Variants in AOPEP observed in about 807,000 individuals in gnomAD.
AOPEP encodes the protein aminopeptidase O.
In AOPEP, 77 loss-of-function variants were observed where a neutral mutation model predicts 98.1. The observed-to-expected ratio is 0.78, with a 90% CI of 0.65 to 0.95. The LOEUF is 0.95. Among genes scored for constraint, AOPEP ranks in the 40% least tolerant of loss-of-function variants. AOPEP has a pLI of 0.00. For synonymous variants in AOPEP, 346 were observed against 365.3 expected (o/e 0.95, Z 0.60); for missense variants, 1,024 against 1,024.7 (o/e 1.00, Z 0.01).
intron 1 of AOPEP, among the ~76,000 whole-genome samples, chr9:94,747,650 T>G (rs1481084635): frequency 6.6e-6 from 1 of 152,242 alleles, no homozygotes; most frequent in African/African-American, 2.4e-5. Context: ...ATGGTGGTCA[T>G]TAGATTGGCC....
chr9:94,964,447 G>T (rs2059056543), intron 9 of AOPEP, among the ~76,000 whole-genome samples: 1 of 152,186 alleles, frequency 6.6e-6, no homozygotes, highest in South Asian at 2.1e-4. Context: ...CAAAAGGGCA[G>T]AATTAAGGTT....
At chr9:94,822,035 C>G (rs1433998669) in intron 5 of AOPEP, among the ~76,000 whole-genome samples, 1 of 151,772 alleles carries the variant, frequency 6.6e-6, no homozygotes, top group African/African-American at 2.4e-5. Flanking sequence ...CCTACTGACC[C>G]CGCTCGTGGC....
At chr9:94,765,435 A>G (rs1401422425) in intron 2 of AOPEP, among the ~76,000 whole-genome samples, 1 of 136,732 alleles carries the variant, frequency 7.3e-6, no homozygotes, top group Non-Finnish European at 1.5e-5. Context: ...CCCCTTCTCT[A>G]CAAAAATAAT....
chr9:94,741,003 T>G (rs903852710), intron 1 of AOPEP, among the ~76,000 whole-genome samples: 1 of 152,052 alleles, frequency 6.6e-6, no homozygotes, highest in Non-Finnish European at 1.5e-5. Context: ...TGGATACAAT[T>G]GATTGTTACC....
intron 1 of AOPEP, among the ~76,000 whole-genome samples, chr9:94,747,684 T>C (rs548523524): frequency 6.6e-6 from 1 of 152,198 alleles, no homozygotes; most frequent in Non-Finnish European, 1.5e-5. Flanking sequence ...TAAAATGACA[T>C]CAGCTTTCAA....
At chr9:95,009,001 T>G (rs1426280361) in intron 13 of AOPEP, among the ~76,000 whole-genome samples, 1 of 152,332 alleles carries the variant, frequency 6.6e-6, no homozygotes, top group Non-Finnish European at 1.5e-5. Context: ...TTATTTCAAG[T>G]TCCTTTCATT....
At chr9:94,795,691 C>T (rs1177953541) in intron 4 of AOPEP, among the ~76,000 whole-genome samples, 2 of 152,162 alleles carry the variant, frequency 1.3e-5, no homozygotes, top group African/African-American at 2.4e-5. Context: ...CTCTCTCCTT[C>T]CTGCTCAGAA....
chr9:95,026,821 A>G (rs2063877498), intron 13 of AOPEP, among the ~76,000 whole-genome samples: 1 of 152,202 alleles, frequency 6.6e-6, no homozygotes, highest in African/African-American at 2.4e-5. Context: ...AGTGATGAAC[A>G]AGGGTCCCAG....
chr9:94,939,929 G>A (rs1034661934), intron 7 of AOPEP, among the ~76,000 whole-genome samples: 6 of 152,132 alleles, frequency 3.9e-5, no homozygotes, highest in Admixed American at 1.3e-4. Flanking sequence ...ATCCAAGCAT[G>A]GAGAACCTGA....
At chr9:95,122,215 T>C in the AOPEP span, among the ~76,000 whole-genome samples, 1 of 152,130 alleles carries the variant, frequency 6.6e-6, no homozygotes, top group South Asian at 2.1e-4. Context: ...AGCACGTGGA[T>C]AGACATATAT....
intron 14 of AOPEP, among the ~76,000 whole-genome samples, chr9:95,062,103 C>T (rs537751714): frequency 2.6e-5 from 4 of 152,244 alleles, no homozygotes; most frequent in Admixed American, 2.0e-4. Context: ...GGCCCCCTTC[C>T]GTTTAGCATA....
the AOPEP span, chr9:95,111,276 G>T: frequency 3.9e-6 from 6 of 1,557,610 alleles, no homozygotes; most frequent in Non-Finnish European, 5.2e-6. Flanking sequence ...ACCTCGGTGG[G>T]GACAGGAGAA....
the AOPEP span, among the ~76,000 whole-genome samples, chr9:95,112,185 A>G: frequency 6.6e-6 from 1 of 152,230 alleles, no homozygotes; most frequent in Non-Finnish European, 1.5e-5. Flanking sequence ...TGGGAGTTGC[A>G]ATACTTGTTT....
At chr9:95,119,469 G>A in the AOPEP span, among the ~76,000 whole-genome samples, 5 of 151,128 alleles carry the variant, frequency 3.3e-5, no homozygotes, top group East Asian at 5.9e-4. Context: ...AGGTTCAAGC[G>A]ATTCTCCTGC....
At chr9:94,783,717 T>C (rs190198183) in intron 3 of AOPEP, among the ~76,000 whole-genome samples, 7 of 152,240 alleles carry the variant, frequency 4.6e-5, no homozygotes, top group Admixed American at 3.9e-4. Context: ...ATATATGATA[T>C]ATACATTCTC....
chr9:94,987,414 C>T (rs1406430788), intron 11 of AOPEP, among the ~76,000 whole-genome samples: 1 of 152,224 alleles, frequency 6.6e-6, no homozygotes, highest in African/African-American at 2.4e-5. Flanking sequence ...TGCTGGGAAA[C>T]TCAGTGTGCC....
At chr9:94,967,202 C>T (rs2059255342) in intron 9 of AOPEP, among the ~76,000 whole-genome samples, 1 of 152,176 alleles carries the variant, frequency 6.6e-6, no homozygotes, top group Admixed American at 6.5e-5. Context: ...TCTCAAATGT[C>T]CAGTGACCGA....
intron 13 of AOPEP, among the ~76,000 whole-genome samples, chr9:95,011,040 C>G (rs1264928121): frequency 1.3e-5 from 2 of 152,104 alleles, no homozygotes; most frequent in Admixed American, 6.5e-5. Context: ...TGAGGTTTCA[C>G]AAAGTCTTAG....
chr9:94,823,306 G>A (rs1853690074), intron 5 of AOPEP, among the ~76,000 whole-genome samples: 1 of 152,158 alleles, frequency 6.6e-6, no homozygotes, highest in Admixed American at 6.5e-5. Context: ...TATATGAAAT[G>A]CTAACAGCTG....
Sources: gnomAD v4.1 joint callset for allele counts (sites outside exome capture counted in the v4.1 genomes callset) on GRCh38, gnomAD v4.1.1 for gene constraint, MANE v1.5 for transcripts, NCBI Gene and HGNC (gene_info 2026-07-23, HGNC 2026-07-21) for gene names.